GALNTL6: variants seen among roughly 807,000 people sequenced by gnomAD.
GALNTL6 encodes the protein polypeptide N-acetylgalactosaminyltransferase-like 6.
In GALNTL6, 46 loss-of-function variants were observed where a neutral mutation model predicts 73.7. That is an observed-to-expected ratio of 0.62 (90% CI 0.49 to 0.80). GALNTL6 has a LOEUF of 0.80. GALNTL6 is among the 30% of genes least tolerant of loss of function. The pLI is 0.00. For synonymous variants in GALNTL6, 259 were observed against 263.7 expected (o/e 0.98, Z 0.17); for missense variants, 604 against 755.0 (o/e 0.80, Z 2.34).
At chr4:172,200,956 A>G (rs1036065372) in intron 2 of GALNTL6, among the ~76,000 whole-genome samples, 1 of 152,202 alleles carries the variant, frequency 6.6e-6, no homozygotes, top group Non-Finnish European at 1.5e-5. Flanking sequence ...TGATAATTTA[A>G]CAAAATTTAC....
intron 5 of GALNTL6, among the ~76,000 whole-genome samples, chr4:172,768,843 T>G (rs1738592531): frequency 6.6e-6 from 1 of 152,056 alleles, no homozygotes; most frequent in South Asian, 2.1e-4. Flanking sequence ...TTCAACAGTT[T>G]CCACTTGCTA....
intron 2 of GALNTL6, among the ~76,000 whole-genome samples, chr4:171,951,071 C>G (rs183265593): frequency 3.9e-4 from 60 of 152,110 alleles, no homozygotes; most frequent in Non-Finnish European, 1.5e-5. Context: ...AATAAACACA[C>G]TATTTGAAGG....
intron 2 of GALNTL6, among the ~76,000 whole-genome samples, chr4:171,946,759 G>T (rs533277663): frequency 6.6e-6 from 1 of 152,190 alleles, no homozygotes; most frequent in South Asian, 2.1e-4. Context: ...AAACATTTAT[G>T]GCAGGGGGAG....
At chr4:172,093,671 C>T (rs886630926) in intron 2 of GALNTL6, among the ~76,000 whole-genome samples, 1 of 152,178 alleles carries the variant, frequency 6.6e-6, no homozygotes, top group African/African-American at 2.4e-5. Flanking sequence ...TTAGCATCAG[C>T]ATTAGATTCT....
At chr4:172,828,533 G>T (rs1742408250) in intron 7 of GALNTL6, among the ~76,000 whole-genome samples, 1 of 151,980 alleles carries the variant, frequency 6.6e-6, no homozygotes, top group Non-Finnish European at 1.5e-5. Flanking sequence ...TCAAATGTAT[G>T]ATCTGATCAC....
At chr4:172,004,807 G>A (rs1740784119) in intron 2 of GALNTL6, among the ~76,000 whole-genome samples, 1 of 151,268 alleles carries the variant, frequency 6.6e-6, no homozygotes, top group Non-Finnish European at 1.5e-5. Context: ...TCTCCTTTAG[G>A]AATCACTCTC....
At chr4:172,596,460 G>A (rs72704865) in intron 5 of GALNTL6, among the ~76,000 whole-genome samples, 221 of 140,376 alleles carry the variant, frequency 1.6e-3, no homozygotes, top group East Asian at 6.0e-3. Flanking sequence ...AAAAAAAAAA[G>A]AAAAAAAAAA....
intron 4 of GALNTL6, among the ~76,000 whole-genome samples, chr4:172,332,440 A>G (rs1378803920): frequency 6.6e-6 from 1 of 151,380 alleles, no homozygotes; most frequent in East Asian, 1.9e-4. Flanking sequence ...AGTTCTTTTC[A>G]TCATCCCTCC....
At chr4:172,196,273 A>G (rs1016795525) in intron 2 of GALNTL6, among the ~76,000 whole-genome samples, 2 of 152,186 alleles carry the variant, frequency 1.3e-5, no homozygotes, top group Admixed American at 6.5e-5. Context: ...TGAATAGACC[A>G]ATAATGAATT....
At chr4:172,647,975 A>G (rs1343521857) in intron 5 of GALNTL6, among the ~76,000 whole-genome samples, 4 of 152,154 alleles carry the variant, frequency 2.6e-5, no homozygotes, top group Non-Finnish European at 5.9e-5. Flanking sequence ...AACAAGGCTG[A>G]GTTTGTTGCT....
At chr4:172,534,265 T>C (rs541745463) in intron 5 of GALNTL6, among the ~76,000 whole-genome samples, 45 of 152,270 alleles carry the variant, frequency 3.0e-4, no homozygotes, top group African/African-American at 1.1e-3. Context: ...CTCTCCTGCT[T>C]ATAGAAAGAG....
chr4:172,405,423 ATATATATATATATATATATAT>A (rs1744179800), intron 5 of GALNTL6, among the ~76,000 whole-genome samples: 3 of 20,580 alleles, frequency 1.5e-4, no homozygotes, highest in African/African-American at 2.3e-4. Context: ...ATATATATAT[ATATATATATATATATATATAT>A]TTTTTTTTTT....
At chr4:172,523,172 G>T (rs1734840209) in intron 5 of GALNTL6, among the ~76,000 whole-genome samples, 1 of 152,074 alleles carries the variant, frequency 6.6e-6, no homozygotes, top group African/African-American at 2.4e-5. Context: ...AATCTTGGTT[G>T]TTGTATAATG....
intron 5 of GALNTL6, among the ~76,000 whole-genome samples, chr4:172,659,460 C>G (rs752854297): frequency 5.9e-5 from 9 of 152,166 alleles, no homozygotes; most frequent in Non-Finnish European, 1.2e-4. Flanking sequence ...CTACTGAACA[C>G]TAGATCTTAT....
intron 5 of GALNTL6, among the ~76,000 whole-genome samples, chr4:172,525,121 T>C (rs1734909268): frequency 6.6e-6 from 1 of 152,240 alleles, no homozygotes; most frequent in African/African-American, 2.4e-5. Flanking sequence ...TATATTTGTC[T>C]TCCTTTGTAC....
chr4:172,880,274 G>A (rs1715183483), intron 7 of GALNTL6, among the ~76,000 whole-genome samples: 1 of 151,956 alleles, frequency 6.6e-6, no homozygotes, highest in African/African-American at 2.4e-5. Context: ...ACAGGTGAAT[G>A]GATAATCAAT....
intron 5 of GALNTL6, among the ~76,000 whole-genome samples, chr4:172,695,764 G>T (rs1348325153): frequency 6.6e-6 from 1 of 152,118 alleles, no homozygotes; most frequent in East Asian, 1.9e-4. Context: ...TGGCTAACAT[G>T]GTGAAACCCT....
chr4:172,817,035 G>T (rs1741641702), intron 7 of GALNTL6, among the ~76,000 whole-genome samples: 1 of 150,970 alleles, frequency 6.6e-6, no homozygotes, highest in African/African-American at 2.4e-5. Flanking sequence ...TTGAACCCGG[G>T]AGGCAGAGGT....
intron 2 of GALNTL6, among the ~76,000 whole-genome samples, chr4:172,146,194 C>T (rs908136222): frequency 1.3e-5 from 2 of 152,152 alleles, no homozygotes; most frequent in African/African-American, 4.8e-5. Context: ...AATCCTTACT[C>T]CAAAATGGCA....
Sources: gnomAD v4.1 joint callset for allele counts (sites outside exome capture counted in the v4.1 genomes callset) on GRCh38, gnomAD v4.1.1 for gene constraint, MANE v1.5 for transcripts, NCBI Gene and HGNC (gene_info 2026-07-23, HGNC 2026-07-21) for gene names.